ST18: variants seen among roughly 807,000 people sequenced by gnomAD.
ST18 encodes suppression of tumorigenicity 18 protein.
ST18 carries 50 observed loss-of-function variants against 110.0 expected under a neutral mutation model. That is an observed-to-expected ratio of 0.45 (90% CI 0.36 to 0.58). The LOEUF (loss-of-function observed/expected upper bound fraction) is 0.58. Among genes scored for constraint, ST18 ranks in the 20% least tolerant of loss-of-function variants. The pLI, the probability that ST18 is intolerant of heterozygous loss-of-function variation, is 0.00. For missense variants in ST18, 1,306 were observed against 1,280.1 expected, an observed-to-expected ratio of 1.02 and a Z score of -0.31; for synonymous variants, 461 against 452.4, an observed-to-expected ratio of 1.02 and a Z score of -0.24.
At chr8:52,169,184 G>A (rs2063969417) in intron 10 of ST18, among the ~76,000 whole-genome samples, 1 of 152,172 alleles carries the variant, frequency 6.6e-6, no homozygotes, top group Admixed American at 6.5e-5. Flanking sequence ...ATGCTCTGGA[G>A]AGCAGAACCT....
chr8:52,154,036 C>A (rs867319062), intron 15 of ST18, among the ~76,000 whole-genome samples: 9 of 152,140 alleles, frequency 5.9e-5, no homozygotes, highest in Non-Finnish European at 1.3e-4. Context: ...TTTTTGAATA[C>A]GAAAAGAGAC....
chr8:52,332,612 G>A (rs927516598), intron 2 of ST18, among the ~76,000 whole-genome samples: 1 of 150,208 alleles, frequency 6.7e-6, no homozygotes, highest in Non-Finnish European at 1.5e-5. Context: ...CAGCACTTTG[G>A]GAGGCCAAGG....
chr8:52,324,358 G>A (rs1466185620), intron 2 of ST18, among the ~76,000 whole-genome samples: 1 of 152,028 alleles, frequency 6.6e-6, no homozygotes, highest in Non-Finnish European at 1.5e-5. Context: ...TGGATGAATA[G>A]ACATATAGAG....
chr8:52,137,573 C>T (rs2052985895), intron 17 of ST18, 90 bp from the exon 18 acceptor site: 4 of 1,306,556 alleles, frequency 3.1e-6, no homozygotes, highest in African/African-American at 1.5e-5. Flanking sequence ...GGTAGCTTCT[C>T]TGTGCGAGAT....
intron 10 of ST18, among the ~76,000 whole-genome samples, chr8:52,167,824 G>A (rs1323788592): frequency 1.3e-5 from 2 of 152,164 alleles, no homozygotes; most frequent in Non-Finnish European, 2.9e-5. Flanking sequence ...GTCATGGTAA[G>A]GGGCACCTGC....
chr8:52,151,777 TA>T (rs1033325438), intron 15 of ST18, among the ~76,000 whole-genome samples: 14 of 151,844 alleles, frequency 9.2e-5, no homozygotes, highest in African/African-American at 1.9e-4. Context: ...ACATTTTTCA[TA>T]AAAAAATAAA....
At chr8:52,306,827 G>C (rs973707909) in intron 2 of ST18, among the ~76,000 whole-genome samples, 1 of 152,146 alleles carries the variant, frequency 6.6e-6, no homozygotes, top group Non-Finnish European at 1.5e-5. Flanking sequence ...CCCAAACTTT[G>C]ATGGGAAAGT....
intron 2 of ST18, among the ~76,000 whole-genome samples, chr8:52,382,777 T>C (rs943005653): frequency 2.0e-5 from 3 of 151,012 alleles, no homozygotes; most frequent in African/African-American, 4.9e-5. Flanking sequence ...TGGATAAAGA[T>C]ATAGGGCAAG....
At position 52,214,126 on chromosome 8, in the gene ST18, C is replaced by A. The variant is rs16917482; in HGVS notation, c.55+77G>T. On this transcript the variant is annotated intron_variant, in intron 7 of 25. Transcript: ENST00000689386. ...AAGTTGTAATCATTCTGACTGCACACGAGGGACTGAGCACTGGAACGCTCA... is the reference window on the plus strand; with the variant it reads ...AAGTTGTAATCATTCTGACTGCACAAGAGGGACTGAGCACTGGAACGCTCA... The A allele has an allele frequency of 1.9e-5, 28 of 1,448,544 alleles. No individual in the cohort carries two copies. The African/African-American group carries it at 3.5e-4, about 18-fold the overall frequency. 89.7% of individuals were successfully genotyped at this position (1,448,544 alleles called of 1,614,324 possible). A position where few individuals can be genotyped will look rare whatever the true frequency, so the allele number is the denominator to read the frequency against.
chr8:52,358,957 A>T (rs1254236839), intron 2 of ST18, among the ~76,000 whole-genome samples: 1 of 151,990 alleles, frequency 6.6e-6, no homozygotes, highest in Admixed American at 6.6e-5. Context: ...TGAATATACA[A>T]GCAAAAATCC....
rs182019943 is a variant in ST18, at chr8:52,204,993, G to A, written c.86+7086C>T. ...CTACGGACATTTATTCATTAGCTCCGTAGTATTTTTCTAAAATACAGATAT... is the reference window on the plus strand; with the variant it reads ...CTACGGACATTTATTCATTAGCTCCATAGTATTTTTCTAAAATACAGATAT... On this transcript the variant is annotated intron_variant, in intron 8 of 25. Coordinates refer to ENST00000689386, the MANE Select transcript of ST18 (RefSeq NM_001352837.2). 2.7e-4 allele frequency among the ~76,000 whole-genome samples: 41 copies of A among 151,826 alleles called. No homozygotes were observed. In the East Asian group the frequency reaches 6.6e-3, roughly 24 times the overall value.
chr8:52,181,049 T>C (rs1410776769), intron 8 of ST18, among the ~76,000 whole-genome samples: 2 of 152,222 alleles, frequency 1.3e-5, no homozygotes, highest in East Asian at 3.8e-4. Context: ...CCTTTCAAAA[T>C]AGATTTCCTA....
In ST18 at chr8:52,132,951, C is replaced by G. The variant is rs905288178; in HGVS notation, c.2444+106G>C. The G allele has an allele frequency of 2.3e-5, 29 of 1,279,776 alleles. No individual in the cohort carries two copies. The African/African-American group carries it at 3.3e-4, about 14-fold the overall frequency. 79.3% of individuals were successfully genotyped at this position (1,279,776 alleles called of 1,614,324 possible). A position where few individuals can be genotyped will look rare whatever the true frequency, so the allele number is the denominator to read the frequency against. ...ACTCTTGCTTATATTTAATAGGGTA[C>G]ACCTTCCCTGAAACTCAATCCGTGT... On this transcript the variant is annotated intron_variant, in intron 21 of 25. Transcript: ENST00000689386.
chr8:52,352,503 T>G (rs896937007), intron 2 of ST18, among the ~76,000 whole-genome samples: 1 of 152,228 alleles, frequency 6.6e-6, no homozygotes, highest in African/African-American at 2.4e-5. Context: ...ATCTCTTCTC[T>G]GCATATTTAT....
chr8:52,357,681 AT>A (rs1823486211), intron 2 of ST18, among the ~76,000 whole-genome samples: 11 of 19,030 alleles, frequency 5.8e-4, no homozygotes, highest in East Asian at 5.5e-3. Flanking sequence ...CTATAAATAT[AT>A]ATATATATAT....
chr8:52,232,535 C>CAA (rs1462912793), intron 2 of ST18, among the ~76,000 whole-genome samples: 2 of 152,040 alleles, frequency 1.3e-5, no homozygotes, highest in African/African-American at 4.8e-5. Flanking sequence ...CCAAATGGTG[C>CAA]AACGTGTTTC....
rs571664938 is a variant in ST18 at position 52,196,876 on chromosome 8, G to A, written c.86+15203C>T. Among the ~76,000 whole-genome samples the A allele has an allele frequency of 3.2e-3, 491 of 152,276 alleles. 1 individual carries two copies. Among genetic ancestry groups the A allele is most frequent in the Non-Finnish European group, 5.9e-3 (401 of 68,024 alleles). Reference sequence around the variant, plus strand: ...CCTGGAGGTAAGGGCTATTTGCTACGTCTTCTAGGCACTGTGGAAACACTT... The same window carrying A: ...CCTGGAGGTAAGGGCTATTTGCTACATCTTCTAGGCACTGTGGAAACACTT... On this transcript the variant is annotated intron_variant, in intron 8 of 25. Coordinates refer to ENST00000689386, the MANE Select transcript of ST18 (RefSeq NM_001352837.2).
At chr8:52,132,955 T>A in intron 21 of ST18, 102 bp downstream of exon 21, 1 of 1,325,290 alleles carries the variant, frequency 7.5e-7, no homozygotes, top group Middle Eastern at 1.9e-4. Context: ...AGGGTACACC[T>A]TCCCTGAAAC....
intron 3 of ST18, among the ~76,000 whole-genome samples, chr8:52,225,870 A>T (rs1285336991): frequency 6.6e-6 from 1 of 152,234 alleles, no homozygotes; most frequent in East Asian, 1.9e-4. Context: ...TACCTTTAAA[A>T]CAAATGCATT....
Sources: gnomAD v4.1 joint callset for allele counts (sites outside exome capture counted in the v4.1 genomes callset) on GRCh38, gnomAD v4.1.1 for gene constraint, MANE v1.5 for transcripts, NCBI Gene and HGNC (gene_info 2026-07-23, HGNC 2026-07-21) for gene names.